The following ODAD2 variants were observed in gnomAD, a reference collection of about 807,000 sequenced individuals.
ODAD2 encodes the protein outer dynein arm docking complex subunit 2, also known as outer dynein arm-docking complex subunit 2.
ODAD2 carries 89 observed loss-of-function variants against 106.8 expected under a neutral mutation model. The observed-to-expected ratio is 0.83, with a 90% CI of 0.70 to 0.99. The LOEUF (loss-of-function observed/expected upper bound fraction) is 0.99. Among genes scored for constraint, ODAD2 ranks in the 50% least tolerant of loss-of-function variants. The pLI is 0.00. For synonymous variants in ODAD2, 404 were observed against 436.2 expected (o/e 0.93, Z 0.92); for missense variants, 1,168 against 1,238.5 (o/e 0.94, Z 0.85).
chr10:27,823,796 T>G (rs1048619720), intron 19 of ODAD2, among the ~76,000 whole-genome samples: 1 of 152,074 alleles, frequency 6.6e-6, no homozygotes, highest in Non-Finnish European at 1.5e-5. Context: ...TCCCGTTAGA[T>G]AGTCAAAAAC....
chr10:27,941,109 A>G (rs1331214353), intron 12 of ODAD2, among the ~76,000 whole-genome samples: 3 of 152,158 alleles, frequency 2.0e-5, no homozygotes. Flanking sequence ...CCACATCCTC[A>G]GCCCAAACAT....
At chr10:27,944,089 C>T (rs541775859) in intron 12 of ODAD2, 133 bp downstream of exon 12, 5 of 719,932 alleles carry the variant, frequency 6.9e-6, no homozygotes, top group Non-Finnish European at 1.2e-5. Flanking sequence ...TAAGGGCAAG[C>T]GATACAGACA....
intron 12 of ODAD2, among the ~76,000 whole-genome samples, chr10:27,942,388 T>C (rs151187854): frequency 5.1e-4 from 78 of 152,336 alleles, no homozygotes; most frequent in South Asian, 4.3e-3. Context: ...CTGGTGATAT[T>C]TTTGTGACCA....
intron 17 of ODAD2, among the ~76,000 whole-genome samples, chr10:27,881,891 C>T (rs1442663382): frequency 2.0e-5 from 3 of 152,066 alleles, no homozygotes; most frequent in African/African-American, 4.8e-5. Flanking sequence ...AATGCTCAAA[C>T]TGGGCATGGT....
intron 9 of ODAD2, among the ~76,000 whole-genome samples, chr10:27,968,320 G>GA (rs1322821362): frequency 7.3e-6 from 1 of 136,418 alleles, no homozygotes; most frequent in Non-Finnish European, 1.6e-5. Context: ...ACAACGTAGA[G>GA]AAAAAAATAA....
intron 2 of ODAD2, among the ~76,000 whole-genome samples, chr10:27,994,087 C>T (rs1220794465): frequency 4.0e-5 from 6 of 150,996 alleles, no homozygotes; most frequent in Non-Finnish European, 8.8e-5. Context: ...TTAATTTGTT[C>T]ACATAATTTA....
chr10:27,907,898 T>C (rs1843716973), intron 16 of ODAD2, 121 bp from the exon 17 acceptor site: 1 of 672,938 alleles, frequency 1.5e-6, no homozygotes, highest in Non-Finnish European at 2.5e-6. Flanking sequence ...ATTTTTTTTT[T>C]TTTTGCAAAA....
rs752348839 is a variant in ODAD2, at chr10:27,995,046, C to A, written c.97G>T (p.Glu33Ter). Residue 33 changes from glutamate to a stop codon, truncating the protein, a stop_gained, in exon 2 of 20, where the codon GAA becomes TAA. Coordinates refer to ENST00000305242, the MANE Select transcript of ODAD2 (RefSeq NM_018076.5). LOFTEE classifies it high-confidence loss of function. ...ITPLNEAILK[E>*]IIVFVESFIY... ...AAACTCTCCACAAACACAATAATTT[C>A]TTTCAATATCGCTTCATTTAGAGGG... 13 of 1,614,056 alleles carry A rather than the reference C, an allele frequency of 8.1e-6. No homozygotes were observed. The African/African-American group carries it at 9.3e-5, about 12-fold the overall frequency.
chr10:27,818,788 T>C (rs1274825143), intron 19 of ODAD2, among the ~76,000 whole-genome samples: 1 of 152,184 alleles, frequency 6.6e-6, no homozygotes, highest in South Asian at 2.1e-4. Flanking sequence ...TTTTTAAATC[T>C]GGAAAGAAGT....
chr10:27,881,724 T>G (rs1841722823), intron 17 of ODAD2, among the ~76,000 whole-genome samples: 1 of 152,220 alleles, frequency 6.6e-6, no homozygotes, highest in Admixed American at 6.5e-5. Context: ...CTAAAACCAC[T>G]TTTATTCATT....
chr10:27,873,887 C>T (rs910596216), intron 17 of ODAD2, among the ~76,000 whole-genome samples: 3 of 152,128 alleles, frequency 2.0e-5, no homozygotes, highest in East Asian at 1.9e-4. Context: ...TGGTGCAGAG[C>T]TGAGTTCAAT....
intron 17 of ODAD2, among the ~76,000 whole-genome samples, chr10:27,897,240 C>G (rs1157699456): frequency 1.3e-5 from 2 of 152,072 alleles, no homozygotes; most frequent in African/African-American, 4.8e-5. Flanking sequence ...CTTCCACCTA[C>G]ACTCAGACCT....
intron 17 of ODAD2, among the ~76,000 whole-genome samples, chr10:27,889,518 T>C (rs528853359): frequency 1.1e-4 from 17 of 152,144 alleles, no homozygotes; most frequent in Non-Finnish European, 2.4e-4. Context: ...GAGAGGGATT[T>C]CTGAATTCCA....
At chr10:27,875,162 G>C (rs907347564) in intron 17 of ODAD2, among the ~76,000 whole-genome samples, 5 of 152,126 alleles carry the variant, frequency 3.3e-5, no homozygotes, top group Non-Finnish European at 7.3e-5. Context: ...ACTAAAGCTT[G>C]TGCATTCGTC....
intron 19 of ODAD2, among the ~76,000 whole-genome samples, chr10:27,816,779 C>T (rs1480708376): frequency 6.6e-6 from 1 of 152,114 alleles, no homozygotes; most frequent in Non-Finnish European, 1.5e-5. Context: ...AGACAAGTCT[C>T]GCTCTTTTGC....
At chr10:27,882,018 C>T (rs1181438859) in intron 17 of ODAD2, among the ~76,000 whole-genome samples, 2 of 151,216 alleles carry the variant, frequency 1.3e-5, no homozygotes, top group Non-Finnish European at 3.0e-5. Context: ...GTACAAAAAA[C>T]ACTAGCTGGG....
rs1347252486 is a variant in ODAD2, at chr10:27,906,542, C to T, written c.2610+1121G>A. ...ACCCAAAGGATTATAAATCATTCTA[C>T]TATAAAGACACATGCACACGTATAT... On this transcript the variant is annotated intron_variant, in intron 17 of 19. Coordinates refer to ENST00000305242, the MANE Select transcript of ODAD2 (RefSeq NM_018076.5). Among the ~76,000 whole-genome samples the T allele has an allele frequency of 2.0e-5, 3 of 152,162 alleles. No homozygotes were observed. The East Asian group carries it at 5.8e-4, about 29-fold the overall frequency.
At position 27,935,179 on chromosome 10, in the gene ODAD2, C is replaced by T; in HGVS notation, c.2326G>A (p.Val776Met). Residue 776 changes from valine to methionine, a missense_variant, in exon 16 of 20, where the codon GTG becomes ATG. Val to Met is a conservative substitution (Grantham distance 21). Transcript: ENST00000305242. ...CAGCATTCTCCCAAGGCCCCAACCA[C>T]ATTCACAAGTACTTCTTCAGGCTGA... Reference protein sequence around the residue: ...TDQPEEVLVNVVGALGECCQE... With the variant: ...TDQPEEVLVNMVGALGECCQE... The T allele has an allele frequency of 6.2e-7, 1 of 1,614,038 alleles. No homozygotes were observed. The highest frequency in any genetic ancestry group is 8.5e-7 in the Non-Finnish European group (1 of 1,179,916).
chr10:27,944,297 G>T lies in ODAD2; in HGVS notation c.1668C>A (p.Ala556=), dbSNP rs761407359. 3 of 1,613,812 alleles carry T rather than the reference G, an allele frequency of 1.9e-6. No individual in the cohort carries two copies. The highest frequency in any genetic ancestry group is 1.1e-5 in the South Asian group (1 of 91,072). ...SPHKSLKCLA[A]ETIANVAKFK... ...ACTTGGCAACATTCGCGATAGTCTCGGCTGCCAAACATTTTAGACTCTTGT... is the reference window on the plus strand; with the variant it reads ...ACTTGGCAACATTCGCGATAGTCTCTGCTGCCAAACATTTTAGACTCTTGT... The change falls in exon 12 of 20, where the codon GCC becomes GCA. Residue 556 remains alanine, a synonymous_variant. Transcript: ENST00000305242.
Sources: gnomAD v4.1 joint callset for allele counts (sites outside exome capture counted in the v4.1 genomes callset) on GRCh38, gnomAD v4.1.1 for gene constraint, MANE v1.5 for transcripts, NCBI Gene and HGNC (gene_info 2026-07-23, HGNC 2026-07-21) for gene names.